IQSEC1: variants seen among roughly 807,000 people sequenced by gnomAD.
IQSEC1 encodes the protein IQ motif and Sec7 domain ArfGEF 1.
A neutral mutation model predicts 91.0 loss-of-function variants in IQSEC1; 31 were observed. That is an observed-to-expected ratio of 0.34 (90% CI 0.26 to 0.46). The LOEUF (loss-of-function observed/expected upper bound fraction) is 0.46, where lower values mean the gene tolerates loss of function less well. Ranked by LOEUF, IQSEC1 falls within the 20% of genes least tolerant of loss-of-function variation. The probability of loss-of-function intolerance (pLI) is 1.00; values close to 1 mark genes in which losing one functional copy is unlikely to be tolerated. For synonymous variants in IQSEC1, 699 were observed against 662.6 expected, an observed-to-expected ratio of 1.05 and a Z score of -0.84; for missense variants, 1,388 against 1,575.6, an observed-to-expected ratio of 0.88 and a Z score of 2.02.
At chr3:13,147,279 A>G (rs1392735812) in intron 2 of IQSEC1, among the ~76,000 whole-genome samples, 1 of 152,162 alleles carries the variant, frequency 6.6e-6, no homozygotes, top group Admixed American at 6.5e-5. Flanking sequence ...GGTAGTGTAC[A>G]TTGTACCTGA....
Position 13,219,308 on chromosome 3 carries a change from C to G in IQSEC1, c.273-55175G>C, listed in dbSNP as rs143720591. 2.6e-5 allele frequency among the ~76,000 whole-genome samples: 4 copies of G among 152,342 alleles called. No homozygotes were observed. In the East Asian group the frequency reaches 7.7e-4, roughly 29 times the overall value. On this transcript the variant is annotated intron_variant, in intron 1 of 15. Transcript: ENST00000648114. ...AGCCGAAGGTCAGCGGACTCCAGAA[C>G]TGGCCCTTCACTGGCCGCGGCTGCC...
chr3:13,190,546 AC>A (rs1694003962), intron 1 of IQSEC1, among the ~76,000 whole-genome samples: 1 of 147,832 alleles, frequency 6.8e-6, no homozygotes, highest in Non-Finnish European at 1.5e-5. Flanking sequence ...ACAGAGCAAG[AC>A]CCTGTCTCAA....
At chr3:13,058,602 G>A (rs1458013546) in intron 1 of IQSEC1, among the ~76,000 whole-genome samples, 1 of 152,206 alleles carries the variant, frequency 6.6e-6, no homozygotes, top group Non-Finnish European at 1.5e-5. Context: ...GGCAGCTGCA[G>A]GGGACCTGAA....
At chr3:13,197,796 ATAGTCAAGGCCGAAT>A in intron 1 of IQSEC1, among the ~76,000 whole-genome samples, 1 of 152,232 alleles carries the variant, frequency 6.6e-6, no homozygotes, top group Non-Finnish European at 1.5e-5. Context: ...GCCAAGGAAG[ATAGTCAAGGCCGAAT>A]TAGGCTTTAG....
intron 2 of IQSEC1, among the ~76,000 whole-genome samples, chr3:13,104,376 C>T (rs1706110730): frequency 6.6e-6 from 1 of 152,144 alleles, no homozygotes; most frequent in South Asian, 2.1e-4. Flanking sequence ...CTGGGGCCAA[C>T]ATTAGGGACC....
At chr3:13,037,993 G>A (rs1278843998) in intron 1 of IQSEC1, among the ~76,000 whole-genome samples, 2 of 151,732 alleles carry the variant, frequency 1.3e-5, no homozygotes, top group East Asian at 1.9e-4. Flanking sequence ...TTAAGATGGT[G>A]GATTTTAATT....
intron 12 of IQSEC1, among the ~76,000 whole-genome samples, chr3:12,903,404 G>A (rs1460309066): frequency 6.6e-6 from 1 of 152,244 alleles, no homozygotes; most frequent in South Asian, 2.1e-4. Context: ...GTTTTGGTTT[G>A]TGCAGTGCCC....
At chr3:13,088,273 G>A (rs1705770480) in intron 2 of IQSEC1, among the ~76,000 whole-genome samples, 1 of 152,228 alleles carries the variant, frequency 6.6e-6, no homozygotes, top group Non-Finnish European at 1.5e-5. Flanking sequence ...AAGAGGAACT[G>A]CTGGCCATTC....
rs528162882 is a variant in IQSEC1 at position 13,103,335 on chromosome 3, C to T, written c.303-55813G>A. On this transcript the variant is annotated intron_variant, in intron 2 of 15. Coordinates refer to the IQSEC1 transcript ENST00000648114. This position sits in a 1 kb window ranked among gnomAD's most constrained non-coding sequence, Gnocchi z 4.1. ...TCCCAGCCACCTTTTTAATTAACCG[C>T]CCCCGCCAACACACCCGAGGCACCA... 6.6e-6 allele frequency among the ~76,000 whole-genome samples: 1 copy of T among 152,202 alleles called. No individual in the cohort carries two copies. The highest frequency in any genetic ancestry group is 2.1e-4 in the South Asian group (1 of 4,824).
intron 1 of IQSEC1, among the ~76,000 whole-genome samples, chr3:12,948,859 C>T (rs374338735): frequency 6.6e-6 from 1 of 152,192 alleles, no homozygotes; most frequent in African/African-American, 2.4e-5. Context: ...CCAGGACGCC[C>T]GAACACTTGC....
chr3:13,023,192 G>A (rs1302399116), intron 1 of IQSEC1, among the ~76,000 whole-genome samples: 1 of 152,210 alleles, frequency 6.6e-6, no homozygotes, highest in African/African-American at 2.4e-5. Flanking sequence ...TCTCTGTAGG[G>A]ATGGAGTGGG....
intron 2 of IQSEC1, among the ~76,000 whole-genome samples, chr3:13,096,783 T>A (rs1705970614): frequency 6.6e-6 from 1 of 151,984 alleles, no homozygotes; most frequent in Non-Finnish European, 1.5e-5. Flanking sequence ...CTCCCACCAG[T>A]GCTGGGCCTT....
chr3:12,956,234 G>A (rs1343885031), intron 1 of IQSEC1, among the ~76,000 whole-genome samples: 1 of 152,126 alleles, frequency 6.6e-6, no homozygotes, highest in Non-Finnish European at 1.5e-5. Flanking sequence ...CCTATTGACG[G>A]CATCCATGTT....
At chr3:12,923,083 C>A (rs947438232) in intron 4 of IQSEC1, among the ~76,000 whole-genome samples, 2 of 152,112 alleles carry the variant, frequency 1.3e-5, no homozygotes, top group Admixed American at 6.6e-5. Flanking sequence ...GGGGCAACAG[C>A]CTTGGAGGTG....
intron 2 of IQSEC1, among the ~76,000 whole-genome samples, chr3:13,140,276 G>A (rs1603146): frequency 0.27 from 40,591 of 152,114 alleles, 5,630 homozygotes; most frequent in South Asian, 0.45. Context: ...AAGTTTGTGA[G>A]AACAGGGCTC....
chr3:13,212,488 A>G (rs750007539), intron 1 of IQSEC1, among the ~76,000 whole-genome samples: 1 of 152,172 alleles, frequency 6.6e-6, no homozygotes, highest in Non-Finnish European at 1.5e-5. Flanking sequence ...CAAACATTTA[A>G]GGATGAATTC....
intron 1 of IQSEC1, among the ~76,000 whole-genome samples, chr3:13,012,403 C>T (rs1000367115): frequency 2.0e-5 from 3 of 152,306 alleles, no homozygotes; most frequent in East Asian, 1.9e-4. Flanking sequence ...CTCCAGTGTC[C>T]CTCCTCTGGG....
intron 3 of IQSEC1, among the ~76,000 whole-genome samples, chr3:12,928,325 G>A (rs1334004932): frequency 1.3e-5 from 2 of 152,202 alleles, no homozygotes; most frequent in South Asian, 2.1e-4. Context: ...TAGTGCGGGC[G>A]ATGGATTCCA....
At chr3:13,094,295 A>C (rs1276086979) in intron 2 of IQSEC1, among the ~76,000 whole-genome samples, 1 of 152,112 alleles carries the variant, frequency 6.6e-6, no homozygotes, top group Non-Finnish European at 1.5e-5. Context: ...GAAAGTTAAC[A>C]CAGGAAGATG....
Sources: allele counts gnomAD v4.1 joint callset (sites outside exome capture counted in the v4.1 genomes callset), GRCh38; gene constraint gnomAD v4.1.1; non-coding constraint Gnocchi (gnomAD v3.1); transcripts MANE v1.5; gene names NCBI Gene and HGNC (gene_info 2026-07-23, HGNC 2026-07-21).